Variants in SEMA6D observed in about 807,000 individuals in gnomAD.
SEMA6D encodes the protein semaphorin-6D.
A neutral mutation model predicts 106.6 loss-of-function variants in SEMA6D; 35 were observed. The observed-to-expected ratio is 0.33, with a 90% CI of 0.25 to 0.44. SEMA6D has a LOEUF of 0.44. SEMA6D is among the 20% of genes least tolerant of loss of function. The pLI, the probability that SEMA6D is intolerant of heterozygous loss-of-function variation, is 1.00. For missense variants in SEMA6D, 1,185 were observed against 1,345.9 expected, an observed-to-expected ratio of 0.88 and a Z score of 1.87; for synonymous variants, 499 against 487.7, an observed-to-expected ratio of 1.02 and a Z score of -0.31.
At chr15:47,414,442 T>C (rs1311123270) in intron 2 of SEMA6D, among the ~76,000 whole-genome samples, 1 of 151,994 alleles carries the variant, frequency 6.6e-6, no homozygotes, top group Non-Finnish European at 1.5e-5. Flanking sequence ...GGTTGAGCAA[T>C]GTGAGGAGGA....
chr15:47,675,183 T>C (rs1167033092), intron 4 of SEMA6D, among the ~76,000 whole-genome samples: 1 of 152,230 alleles, frequency 6.6e-6, no homozygotes, highest in East Asian at 1.9e-4. Context: ...GATTTAACTC[T>C]CCAACTTTCT....
At chr15:47,542,480 T>G (rs1331152862) in intron 3 of SEMA6D, among the ~76,000 whole-genome samples, 2 of 152,156 alleles carry the variant, frequency 1.3e-5, no homozygotes, top group Non-Finnish European at 2.9e-5. Context: ...TTGTTTGGCC[T>G]GGTGATTTAC....
At chr15:47,322,404 G>T (rs1003433453) in intron 1 of SEMA6D, among the ~76,000 whole-genome samples, 1 of 150,020 alleles carries the variant, frequency 6.7e-6, no homozygotes, top group Non-Finnish European at 1.5e-5. Context: ...TGTCTTTTAT[G>T]ATCTTGATAC....
intron 4 of SEMA6D, among the ~76,000 whole-genome samples, chr15:47,682,410 G>GC: frequency 6.6e-6 from 1 of 151,856 alleles, no homozygotes; most frequent in African/African-American, 2.4e-5. Flanking sequence ...CTCATGATCC[G>GC]CCCCCCTCGG....
chr15:47,426,684 G>A (rs1179184375), intron 2 of SEMA6D, among the ~76,000 whole-genome samples: 1 of 152,042 alleles, frequency 6.6e-6, no homozygotes, highest in Non-Finnish European at 1.5e-5. Context: ...TCCCTACAGG[G>A]TATAGAAACT....
At chr15:47,379,194 C>T (rs1338239003) in intron 1 of SEMA6D, among the ~76,000 whole-genome samples, 1 of 152,158 alleles carries the variant, frequency 6.6e-6, no homozygotes, top group Non-Finnish European at 1.5e-5. Flanking sequence ...ATTTCTCTGA[C>T]CAAATTTTTA....
chr15:47,471,385 A>T (rs573526764), intron 3 of SEMA6D, among the ~76,000 whole-genome samples: 44 of 152,262 alleles, frequency 2.9e-4, no homozygotes, highest in African/African-American at 8.4e-4. Context: ...GGTCTTTCTG[A>T]TTCAGGATTC....
intron 3 of SEMA6D, among the ~76,000 whole-genome samples, chr15:47,559,225 G>A (rs1185329116): frequency 6.6e-6 from 1 of 152,044 alleles, no homozygotes; most frequent in Non-Finnish European, 1.5e-5. Flanking sequence ...GTCTTAAAGT[G>A]TTTCTCTTCA....
At chr15:47,576,188 T>C (rs1028970238) in intron 3 of SEMA6D, among the ~76,000 whole-genome samples, 2 of 152,240 alleles carry the variant, frequency 1.3e-5, no homozygotes, top group Non-Finnish European at 2.9e-5. Context: ...GAAACTATAT[T>C]GGAATTTATC....
chr15:47,480,476 C>T (rs1045300456), intron 3 of SEMA6D, among the ~76,000 whole-genome samples: 1 of 152,100 alleles, frequency 6.6e-6, no homozygotes, highest in African/African-American at 2.4e-5. Context: ...AGACCCTCTA[C>T]ATTTCAATTT....
At chr15:47,232,292 A>G (rs2032250928) in intron 1 of SEMA6D, among the ~76,000 whole-genome samples, 1 of 152,036 alleles carries the variant, frequency 6.6e-6, no homozygotes, top group Non-Finnish European at 1.5e-5. Flanking sequence ...GGCAACAATG[A>G]ATAGTGCTGT....
chr15:47,630,832 C>A (rs1303422857), intron 4 of SEMA6D, among the ~76,000 whole-genome samples: 1 of 151,756 alleles, frequency 6.6e-6, no homozygotes, highest in African/African-American at 2.4e-5. Context: ...TTAAATGTTT[C>A]TTCTCTATCA....
intron 1 of SEMA6D, among the ~76,000 whole-genome samples, chr15:47,292,431 A>G (rs182171751): frequency 3.3e-4 from 50 of 152,350 alleles, no homozygotes; most frequent in African/African-American, 1.2e-3. Flanking sequence ...TTTAAAAAAA[A>G]TCAAATGAGT....
chr15:47,287,615 C>G (rs1396934116), intron 1 of SEMA6D, among the ~76,000 whole-genome samples: 2 of 152,150 alleles, frequency 1.3e-5, no homozygotes, highest in Non-Finnish European at 2.9e-5. Flanking sequence ...TATACTTACA[C>G]CTAAATTGTT....
At chr15:47,376,427 C>T (rs2039450095) in intron 1 of SEMA6D, among the ~76,000 whole-genome samples, 1 of 152,222 alleles carries the variant, frequency 6.6e-6, no homozygotes, top group Non-Finnish European at 1.5e-5. Flanking sequence ...AAACTGGTTT[C>T]ACAATGGAGA....
intron 3 of SEMA6D, among the ~76,000 whole-genome samples, chr15:47,544,628 G>A (rs2045460708): frequency 6.6e-6 from 1 of 152,048 alleles, no homozygotes; most frequent in African/African-American, 2.4e-5. Flanking sequence ...TGGAACTCAG[G>A]ATAGATAAAC....
At chr15:47,710,888 C>A (rs891962388) in intron 4 of SEMA6D, among the ~76,000 whole-genome samples, 21 of 152,262 alleles carry the variant, frequency 1.4e-4, no homozygotes, top group Non-Finnish European at 2.9e-4. Flanking sequence ...CAGCATATAT[C>A]ACAATTCAAG....
Position 47,345,767 on chromosome 15 carries a change from C to A in SEMA6D, c.-238-66626C>A, listed in dbSNP as rs74840942. 1.4e-3 allele frequency among the ~76,000 whole-genome samples: 214 copies of A among 152,192 alleles called. 3 individuals are homozygous for A. In the East Asian group the frequency reaches 0.036, roughly 26 times the overall value. ...ATCTGTATTGCATGATTATATTTCA[C>A]AAACATATCTAAGGAAATTTATCTG... On this transcript the variant is annotated intron_variant, in intron 1 of 19. Coordinates refer to the SEMA6D transcript ENST00000558014.
intron 1 of SEMA6D, among the ~76,000 whole-genome samples, chr15:47,238,661 C>CA (rs959299527): frequency 2.8e-4 from 41 of 147,680 alleles, no homozygotes; most frequent in African/African-American, 5.9e-4. Flanking sequence ...GACGTTTAGA[C>CA]AAAAAAAAAA....
Sources: allele counts gnomAD v4.1 joint callset (sites outside exome capture counted in the v4.1 genomes callset), GRCh38; gene constraint gnomAD v4.1.1; transcripts MANE v1.5; gene names NCBI Gene and HGNC (gene_info 2026-07-23, HGNC 2026-07-21).